RNF213: variants seen among roughly 807,000 people sequenced by gnomAD.
RNF213 encodes the protein ring finger protein 213.
RNF213 carries 341 observed loss-of-function variants against 514.4 expected under a neutral mutation model. The observed-to-expected ratio is 0.66, with a 90% CI of 0.61 to 0.73. RNF213 has a LOEUF of 0.73. RNF213 is among the 30% of genes least tolerant of loss of function. The pLI, the probability that RNF213 is intolerant of heterozygous loss-of-function variation, is 0.00. For missense variants in RNF213, 5,767 were observed against 6,615.6 expected (o/e 0.87, Z 4.45); for synonymous variants, 2,655 against 2,658.2 (o/e 1.00, Z 0.04).
At chr17:80,282,596 CA>C (rs2044340106) in intron 3 of RNF213, among the ~76,000 whole-genome samples, 1 of 152,116 alleles carries the variant, frequency 6.6e-6, no homozygotes, top group South Asian at 2.1e-4. Context: ...GATGGGGTTT[CA>C]CCGTGTTAGC....
chr17:80,331,888 C>G (rs746926676), intron 20 of RNF213, 118 bp from the exon 21 acceptor site: 55 of 1,194,224 alleles, frequency 4.6e-5, no homozygotes, highest in Non-Finnish European at 6.0e-5. Context: ...GAAATCCTAG[C>G]AGCTGTGTGC....
At chr17:80,372,396 A>T in intron 47 of RNF213, 125 bp from the exon 48 acceptor site, 2 of 728,610 alleles carry the variant, frequency 2.7e-6, no homozygotes, top group Non-Finnish European at 4.7e-6. Flanking sequence ...AGAAATTTAC[A>T]CTGAAACCTA....
chr17:80,374,128 T>A (rs1394507107), intron 49 of RNF213, among the ~76,000 whole-genome samples: 1 of 152,218 alleles, frequency 6.6e-6, no homozygotes, highest in East Asian at 1.9e-4. Flanking sequence ...CGGCACTGTT[T>A]GACTACCACC....
chr17:80,269,252 GAC>G lies in RNF213; in HGVS notation c.98-3985_98-3984del, dbSNP rs137915874. Among the ~76,000 whole-genome samples, 933 of 152,198 alleles carry G rather than the reference GAC, an allele frequency of 6.1e-3. 11 individuals are homozygous for G. Among genetic ancestry groups the G allele is most frequent in the African/African-American group, 0.022 (897 of 41,506 alleles). On this transcript the variant is annotated intron_variant, in intron 2 of 67. Coordinates refer to ENST00000582970, the MANE Select transcript of RNF213 (RefSeq NM_001256071.3). ...AGTCTCCTCTGACAACACCCTCACA[GAC>G]ACAACCAGAACAATACTTTACCAAC... is the stretch of plus-strand genomic sequence containing the variant.
At chr17:80,354,245 TG>T (rs780581484) in intron 35 of RNF213, 79 bp downstream of exon 35, 6 of 1,544,034 alleles carry the variant, frequency 3.9e-6, no homozygotes, top group Non-Finnish European at 5.3e-6. Context: ...CACTGTGTGT[TG>T]GGGGACACCC....
At chr17:80,313,886 A>G (rs1265929169) in intron 15 of RNF213, among the ~76,000 whole-genome samples, 8 of 38,062 alleles carry the variant, frequency 2.1e-4, no homozygotes, top group African/African-American at 6.9e-4. Flanking sequence ...TGGTGGAGGT[A>G]CTGGAGGTGA....
At chr17:80,304,534 G>A (rs1403146185) in intron 11 of RNF213, among the ~76,000 whole-genome samples, 5 of 147,864 alleles carry the variant, frequency 3.4e-5, no homozygotes, top group Admixed American at 6.7e-5. Flanking sequence ...CAGCTACTGG[G>A]GAGGCTGAGG....
chr17:80,304,111 C>G (rs531015644), intron 11 of RNF213, among the ~76,000 whole-genome samples: 1 of 151,966 alleles, frequency 6.6e-6, no homozygotes, highest in Admixed American at 6.6e-5. Context: ...CTTGAAAAGT[C>G]TGCAGTAGCA....
Position 80,383,894 on chromosome 17 carries a change from A to C in RNF213, c.14288A>C (p.Glu4763Ala). Residue 4763 changes from glutamate to alanine, a missense_variant, in exon 59 of 68, where the codon GAA (glutamate) becomes GCA (alanine). By Grantham distance (107) the Glu-to-Ala change is moderately radical (BLOSUM62 -1). Coordinates refer to ENST00000582970, the MANE Select transcript of RNF213 (RefSeq NM_001256071.3). ...QHIVEQKNGK[E>A]RVPILWHFLQ... ...ATTGTGGAACAGAAAAATGGCAAAG[A>C]AAGAGTGCCCATCCTCTGGCATTTC... 6.2e-7 allele frequency: 1 copy of C among 1,614,196 alleles called. No homozygotes were observed. The highest frequency in any genetic ancestry group is 8.5e-7 in the Non-Finnish European group (1 of 1,180,036).
At chr17:80,369,182 TGAG>T (rs2079406040) in intron 44 of RNF213, among the ~76,000 whole-genome samples, 1 of 152,072 alleles carries the variant, frequency 6.6e-6, no homozygotes, top group South Asian at 2.1e-4. Flanking sequence ...GTGGATCACC[TGAG>T]GTCAGCAGTT....
At chr17:80,350,262 G>A in intron 30 of RNF213, 39 bp from the exon 31 acceptor site, 1 of 1,261,670 alleles carries the variant, frequency 7.9e-7, no homozygotes, top group Non-Finnish European at 1.2e-6. Context: ...ATTTTTTTAA[G>A]ACAGAGAACT....
rs750330925 is a variant in RNF213 at position 80,317,184 on chromosome 17, G to A, written c.2812-4G>A. 2 of 1,611,212 alleles carry A rather than the reference G, an allele frequency of 1.2e-6. No individual in the cohort carries two copies. The highest frequency in any genetic ancestry group is 1.7e-6 in the Non-Finnish European group (2 of 1,179,334). ...TGGGTGTGACCTGTGTGCGGGTTTTGCAGGTCTGGAGGCGGCTGGTGGAAA... is the reference window on the plus strand; with the variant it reads ...TGGGTGTGACCTGTGTGCGGGTTTTACAGGTCTGGAGGCGGCTGGTGGAAA... On this transcript the variant is annotated splice_region_variant and splice_polypyrimidine_tract_variant and intron_variant, in intron 15 of 67. Coordinates refer to ENST00000582970, the MANE Select transcript of RNF213 (RefSeq NM_001256071.3). The surrounding 1 kb of genome is among the most constrained non-coding windows in gnomAD (Gnocchi z 4.1).
At chr17:80,335,752 G>GA (rs1372074911) in intron 22 of RNF213, among the ~76,000 whole-genome samples, 3 of 152,068 alleles carry the variant, frequency 2.0e-5, no homozygotes, top group Non-Finnish European at 4.4e-5. Context: ...AAGTCGTGTG[G>GA]ATCACCTGAG....
rs764290638 is a variant in RNF213, at chr17:80,347,151, A to G, written c.8816A>G (p.Tyr2939Cys). Residue 2939 changes from tyrosine to cysteine, a missense_variant, in exon 29 of 68, where the codon TAC becomes TGC. Coordinates refer to ENST00000582970, the MANE Select transcript of RNF213 (RefSeq NM_001256071.3). The surrounding 1 kb of genome is among the most constrained non-coding windows in gnomAD (Gnocchi z 7.2). ...TACTTTGCGTCCTTTGCCAAAGCCTACGAAACGGTGTGTAAGCGCCAGGAC... is the reference window on the plus strand; with the variant it reads ...TACTTTGCGTCCTTTGCCAAAGCCTGCGAAACGGTGTGTAAGCGCCAGGAC... ...QGYFASFAKA[Y>C]ETVCKRQDKE... 1.9e-6 allele frequency: 3 copies of G among 1,614,030 alleles called. No individual in the cohort carries two copies. The highest frequency in any genetic ancestry group is 2.5e-6 in the Non-Finnish European group (3 of 1,180,024).
chr17:80,347,020 C>G lies in RNF213; in HGVS notation c.8685C>G (p.Asn2895Lys). The G allele has an allele frequency of 6.2e-7, 1 of 1,613,998 alleles. No homozygotes were observed. The highest frequency in any genetic ancestry group is 8.5e-7 in the Non-Finnish European group (1 of 1,179,962). Residue 2895 changes from asparagine (N) to lysine (K), a missense_variant, in exon 29 of 68, where the codon AAC becomes AAG. Around this residue, in one of 13 missense-constraint regions of RNF213, gnomAD observed 919 missense variants for 1,121.0 expected, o/e 0.82. Coordinates refer to ENST00000582970, the MANE Select transcript of RNF213 (RefSeq NM_001256071.3). The surrounding 1 kb of genome is among the most constrained non-coding windows in gnomAD (Gnocchi z 7.2). ...GGGCCCTTGACCCTGCCAAGATGAA[C>G]CGGGGCATTTTTGTGTCACGTGGCA... ...SNWALDPAKM[N>K]RGIFVSRGSP...
rs2043483076 is a variant in RNF213, at chr17:80,263,129, GGTGGTCAGTGCAGA to G, written c.-108-440_-108-427del. ...CACCGCAGAGGCTGTTCTGAGGGCAGGTGGTCAGTGCAGAGTGGCGCGCTTTGTGGATGGCAGCC... is the reference window on the plus strand; with the variant it reads ...CACCGCAGAGGCTGTTCTGAGGGCAGGTGGCGCGCTTTGTGGATGGCAGCC... On this transcript the variant is annotated intron_variant, in intron 1 of 67. Coordinates refer to ENST00000582970, the MANE Select transcript of RNF213 (RefSeq NM_001256071.3). This position sits in a 1 kb window ranked among gnomAD's most constrained non-coding sequence, Gnocchi z 4.9. Among the ~76,000 whole-genome samples the G allele has an allele frequency of 6.6e-6, 1 of 152,238 alleles. No individual in the cohort carries two copies. Among genetic ancestry groups the G allele is most frequent in the African/African-American group, 2.4e-5 (1 of 41,462 alleles).
At chr17:80,330,816 A>T (rs1427347513) in intron 20 of RNF213, among the ~76,000 whole-genome samples, 1 of 152,142 alleles carries the variant, frequency 6.6e-6, no homozygotes, top group Non-Finnish European at 1.5e-5. Context: ...GGTGTGCTGG[A>T]TGGACCATGT....
In RNF213 at chr17:80,272,932, G is replaced by T. The variant is rs74467669; in HGVS notation, c.98-309G>T. Among the ~76,000 whole-genome samples, 1,424 of 152,266 alleles carry T rather than the reference G, an allele frequency of 9.4e-3. 20 individuals carry two copies. Among genetic ancestry groups the T allele is most frequent in the African/African-American group, 0.033 (1,367 of 41,546 alleles). Reference sequence around the variant, plus strand: ...AGGCTCTGTTTTAGAGGTGCCCGAGGTGCGCTGACATCCTAGTACAGAGTC... The same window carrying T: ...AGGCTCTGTTTTAGAGGTGCCCGAGTTGCGCTGACATCCTAGTACAGAGTC... On this transcript the variant is annotated intron_variant, in intron 2 of 67. Transcript: ENST00000582970.
chr17:80,377,621 TAACA>T lies in RNF213; in HGVS notation c.13511-138_13511-135del. On this transcript the variant is annotated intron_variant, in intron 53 of 67. Transcript: ENST00000582970. The surrounding 1 kb of genome is among the most constrained non-coding windows in gnomAD (Gnocchi z 4.1). ...AGCTTCAGGCAGGTGTCATGTAACT[TAACA>T]AATTAGCGTGGGATGCTCTGGACAG... The T allele has an allele frequency of 1.1e-6, 1 of 892,424 alleles. No individual in the cohort carries two copies. The highest frequency in any genetic ancestry group is 1.9e-6 in the Non-Finnish European group (1 of 522,694). 55.3% of individuals were successfully genotyped at this position (892,424 alleles called of 1,614,324 possible).
Sources: gnomAD v4.1 joint callset for allele counts (sites outside exome capture counted in the v4.1 genomes callset) on GRCh38, gnomAD v4.1.1 for gene constraint, gnomAD v4.1.1 regional missense constraint, Gnocchi (gnomAD v3.1) non-coding constraint, MANE v1.5 for transcripts, NCBI Gene and HGNC (gene_info 2026-07-23, HGNC 2026-07-21) for gene names.